Variants in MTUS2 observed in about 807,000 individuals in gnomAD.
The protein encoded by MTUS2 is microtubule associated scaffold protein 2.
In MTUS2, 40 loss-of-function variants were observed where a neutral mutation model predicts 114.1. That is an observed-to-expected ratio of 0.35 (90% CI 0.27 to 0.46). The LOEUF (loss-of-function observed/expected upper bound fraction) is 0.46. Among genes scored for constraint, MTUS2 ranks in the 20% least tolerant of loss-of-function variants. MTUS2 has a pLI of 1.00. For missense variants in MTUS2, 1,679 were observed against 1,705.4 expected, an observed-to-expected ratio of 0.98 and a Z score of 0.27; for synonymous variants, 688 against 672.0, an observed-to-expected ratio of 1.02 and a Z score of -0.37.
chr13:28,859,373 T>C (rs1252695393), intron 2 of MTUS2, among the ~76,000 whole-genome samples: 2 of 152,180 alleles, frequency 1.3e-5, no homozygotes, highest in Non-Finnish European at 2.9e-5. Context: ...AAAAGAACTT[T>C]GGGGACTAAC....
At chr13:28,865,590 A>C (rs1877251414) in intron 2 of MTUS2, among the ~76,000 whole-genome samples, 1 of 152,230 alleles carries the variant, frequency 6.6e-6, no homozygotes, top group Non-Finnish European at 1.5e-5. Flanking sequence ...TCAAGTATCC[A>C]TCATGGGCTG....
intron 2 of MTUS2, among the ~76,000 whole-genome samples, chr13:28,981,876 C>T (rs1007929964): frequency 3.3e-5 from 5 of 152,110 alleles, no homozygotes; most frequent in East Asian, 1.9e-4. Flanking sequence ...TGTGTCACCC[C>T]GAGGCTCAAG....
rs604562 is a variant in MTUS2 at position 29,084,788 on chromosome 13, C to A, written c.2447-15985C>A. Among the ~76,000 whole-genome samples, 6 of 112,692 alleles carry A rather than the reference C, an allele frequency of 5.3e-5. 1 individual carries two copies. The East Asian group carries it at 6.5e-4, about 12-fold the overall frequency. 73.9% of individuals were successfully genotyped at this position (112,692 alleles called of 152,430 possible). The stretch of plus-strand genomic sequence containing the variant: ...CCTGACCTCAGGTGATCCACCCCCC[C>A]CCCTCACCGTTGGCCTTCCAAAGTG... On this transcript the variant is annotated intron_variant, in intron 4 of 15. Coordinates refer to ENST00000612955, the MANE Select transcript of MTUS2 (RefSeq NM_001033602.4).
chr13:29,469,544 G>A (rs927534797), intron 9 of MTUS2, among the ~76,000 whole-genome samples: 2 of 151,632 alleles, frequency 1.3e-5, no homozygotes, highest in African/African-American at 2.4e-5. Context: ...GGAGAATGGC[G>A]TGAACCTGGG....
intron 4 of MTUS2, among the ~76,000 whole-genome samples, chr13:29,044,023 T>C (rs1887498256): frequency 6.6e-6 from 1 of 152,144 alleles, no homozygotes; most frequent in Admixed American, 6.5e-5. Context: ...AAAAAGTCTT[T>C]TGAGTTACTC....
intron 5 of MTUS2, among the ~76,000 whole-genome samples, chr13:29,257,217 C>T (rs1673379257): frequency 6.6e-6 from 1 of 152,202 alleles, no homozygotes; most frequent in African/African-American, 2.4e-5. Flanking sequence ...GTACACATAA[C>T]CATGTCAGTC....
At chr13:29,323,486 G>A (rs1017445516) in intron 6 of MTUS2, among the ~76,000 whole-genome samples, 3 of 152,104 alleles carry the variant, frequency 2.0e-5, no homozygotes, top group Non-Finnish European at 4.4e-5. Flanking sequence ...TCCTGACCTC[G>A]TGATCCGCCT....
chr13:29,041,828 A>G (rs1471785696), intron 4 of MTUS2, among the ~76,000 whole-genome samples: 1 of 152,136 alleles, frequency 6.6e-6, no homozygotes, highest in African/African-American at 2.4e-5. Context: ...ATCCTGAAAC[A>G]TTGCTGAATT....
intron 5 of MTUS2, among the ~76,000 whole-genome samples, chr13:29,167,590 C>T (rs1369499058): frequency 6.6e-6 from 1 of 151,656 alleles, no homozygotes; most frequent in Non-Finnish European, 1.5e-5. Context: ...TCTTATTTAA[C>T]CAGAAAAGTT....
At chr13:28,859,877 CGA>C (rs1399345915) in intron 2 of MTUS2, among the ~76,000 whole-genome samples, 2 of 151,588 alleles carry the variant, frequency 1.3e-5, no homozygotes, top group African/African-American at 2.4e-5. Context: ...TGAGGCCTGA[CGA>C]GAGAGAGAGA....
rs116540581 is a variant in MTUS2, at chr13:29,497,029, A to T, written c.3580-209A>T. Among the ~76,000 whole-genome samples the T allele has an allele frequency of 2.5e-3, 378 of 152,204 alleles. 1 individual carries two copies. Among genetic ancestry groups the T allele is most frequent in the African/African-American group, 8.4e-3 (348 of 41,548 alleles). On this transcript the variant is annotated intron_variant, in intron 12 of 15. Transcript: ENST00000612955. ...GTGTCTTCCTGACAAAGCACTAAGA[A>T]GGAGGGAGCCGAGGGCAGGCGTTGG...
intron 9 of MTUS2, among the ~76,000 whole-genome samples, chr13:29,462,167 C>CAGGT (rs1879542365): frequency 6.6e-6 from 1 of 152,208 alleles, no homozygotes; most frequent in South Asian, 2.1e-4. Flanking sequence ...AACATGCTTT[C>CAGGT]AGGTGCTGCT....
chr13:28,868,434 C>T (rs1048051481), intron 2 of MTUS2, among the ~76,000 whole-genome samples: 3 of 152,158 alleles, frequency 2.0e-5, no homozygotes, highest in African/African-American at 7.2e-5. Context: ...TGTTATATTG[C>T]AGATTCTGGT....
At chr13:29,159,090 G>A (rs772154188) in intron 5 of MTUS2, among the ~76,000 whole-genome samples, 6 of 152,166 alleles carry the variant, frequency 3.9e-5, no homozygotes, top group African/African-American at 7.2e-5. Context: ...GAGAATGTTC[G>A]TGATTGATAC....
chr13:29,425,724 G>T (rs191110526), intron 8 of MTUS2, among the ~76,000 whole-genome samples: 20 of 152,298 alleles, frequency 1.3e-4, no homozygotes, highest in Admixed American at 1.2e-3. Flanking sequence ...ACATTTCTCA[G>T]AATCTGGGTC....
intron 11 of MTUS2, among the ~76,000 whole-genome samples, chr13:29,491,081 G>A (rs1882036534): frequency 6.6e-6 from 1 of 151,086 alleles, no homozygotes; most frequent in African/African-American, 2.4e-5. Flanking sequence ...GGGAGTGTGT[G>A]TGTGGTATGT....
chr13:28,990,803 T>TTGC (rs1369346657), intron 2 of MTUS2, among the ~76,000 whole-genome samples: 1 of 151,812 alleles, frequency 6.6e-6, no homozygotes, highest in East Asian at 1.9e-4. Context: ...TCTTCAAATC[T>TTGC]TGCTGCTGCT....
At chr13:28,965,298 C>T (rs1293677997) in intron 2 of MTUS2, among the ~76,000 whole-genome samples, 1 of 152,144 alleles carries the variant, frequency 6.6e-6, no homozygotes, top group African/African-American at 2.4e-5. Flanking sequence ...CTCTAAGTCA[C>T]TTGTTTAAGT....
chr13:29,503,273 A>G lies in MTUS2; in HGVS notation c.*67A>G. On this transcript the variant is annotated 3_prime_UTR_variant, in exon 16 of 16. Coordinates refer to ENST00000612955, the MANE Select transcript of MTUS2 (RefSeq NM_001033602.4). ...CGGTCTCCACCCTGAGGGAGCACCGACCCGGTGCCGCCGGAGCTGGCCCTG... is the reference window on the plus strand; with the variant it reads ...CGGTCTCCACCCTGAGGGAGCACCGGCCCGGTGCCGCCGGAGCTGGCCCTG... The G allele has an allele frequency of 6.4e-7, 1 of 1,564,210 alleles. No homozygotes were observed. The highest frequency in any genetic ancestry group is 8.7e-7 in the Non-Finnish European group (1 of 1,145,656).
Sources: allele counts gnomAD v4.1 joint callset (sites outside exome capture counted in the v4.1 genomes callset), GRCh38; gene constraint gnomAD v4.1.1; transcripts MANE v1.5; gene names NCBI Gene and HGNC (gene_info 2026-07-23, HGNC 2026-07-21).